Variants in SCRN1 observed in about 807,000 individuals in gnomAD.
SCRN1 encodes the protein secernin 1.
In SCRN1, 19 loss-of-function variants were observed where a neutral mutation model predicts 43.3. The observed-to-expected ratio is 0.44, with a 90% CI of 0.31 to 0.64. The LOEUF (loss-of-function observed/expected upper bound fraction) is 0.64. Among genes scored for constraint, SCRN1 ranks in the 30% least tolerant of loss-of-function variants. The pLI is 0.09. For synonymous variants in SCRN1, 183 were observed against 188.9 expected (o/e 0.97, Z 0.26); for missense variants, 447 against 524.1 (o/e 0.85, Z 1.44).
chr7:29,943,830 G>C, intron 4 of SCRN1, 147 bp downstream of exon 4: 1 of 717,956 alleles, frequency 1.4e-6, no homozygotes, highest in Non-Finnish European at 2.4e-6. Flanking sequence ...TCCCAGAAAT[G>C]AGAGGCATGC....
At chr7:29,969,923 C>A in intron 1 of SCRN1, 1 of 455,968 alleles carries the variant, frequency 2.2e-6, no homozygotes. Flanking sequence ...CCATTTGCTT[C>A]TCCATTATCT....
intron 1 of SCRN1, among the ~76,000 whole-genome samples, chr7:29,988,383 T>G (rs1213908339): frequency 6.6e-6 from 1 of 152,136 alleles, no homozygotes; most frequent in Non-Finnish European, 1.5e-5. Flanking sequence ...ATTACAGCTC[T>G]CCAAACTTCC....
Position 29,989,682 on chromosome 7 carries a change from T to C in SCRN1, c.-42A>G. ...CCGGGCTCCGCTCTCCGCTCTGCGG[T>C]GCTGAGGCTGCGGCCGCCGAGGGTG... On this transcript the variant is annotated 5_prime_UTR_variant, in exon 1 of 8. Transcript: ENST00000242059. The C allele has an allele frequency of 4.1e-6, 4 of 985,690 alleles. No homozygotes were observed. Among genetic ancestry groups the C allele is most frequent in the Non-Finnish European group, 4.8e-6 (4 of 830,172 alleles). The allele number at this position is 985,690 out of a possible 1,614,324, so 61.1% of individuals were successfully genotyped here. A position where few individuals can be genotyped will look rare whatever the true frequency, so the allele number is the denominator to read the frequency against.
intron 1 of SCRN1, among the ~76,000 whole-genome samples, chr7:29,978,557 C>T (rs1023430914): frequency 1.3e-5 from 2 of 152,200 alleles, no homozygotes; most frequent in African/African-American, 4.8e-5. Context: ...ACACCAGGCC[C>T]TAGTAGCCAT....
At chr7:29,972,663 G>A (rs772576334) in intron 1 of SCRN1, among the ~76,000 whole-genome samples, 1 of 152,180 alleles carries the variant, frequency 6.6e-6, no homozygotes, top group African/African-American at 2.4e-5. Context: ...ATCAGACCTA[G>A]GAGCAAACTA....
Position 29,926,625 on chromosome 7 carries a change from A to G in SCRN1, c.913T>C (p.Phe305Leu). 6.2e-7 allele frequency: 1 copy of G among 1,613,808 alleles called. No homozygotes were observed. Among genetic ancestry groups the G allele is most frequent in the Non-Finnish European group, 8.5e-7 (1 of 1,179,816 alleles). Residue 305 changes from phenylalanine (F) to leucine (L), a missense_variant, in exon 7 of 8, where the codon TTC becomes CTC. By Grantham distance (22) the Phe-to-Leu change is conservative. Coordinates refer to ENST00000242059, the MANE Select transcript of SCRN1 (RefSeq NM_014766.5). ...TGTPDPSRSI[F>L]KPFIFVDDVK... ...TCATCAACAAAGATGAAAGGCTTGA[A>G]TATGGACCTGGAGAGGAAGGAGAGG...
At chr7:29,977,951 TTTGTCAAAGCC>T (rs1484192249) in intron 1 of SCRN1, among the ~76,000 whole-genome samples, 2 of 152,246 alleles carry the variant, frequency 1.3e-5, no homozygotes, top group Non-Finnish European at 2.9e-5. Context: ...AAGCGGTCCC[TTTGTCAAAGCC>T]TATCTGTTCA....
At chr7:29,957,298 C>G (rs952590084) in intron 2 of SCRN1, among the ~76,000 whole-genome samples, 2 of 152,206 alleles carry the variant, frequency 1.3e-5, no homozygotes, top group African/African-American at 4.8e-5. Context: ...GGCAAAGGCG[C>G]GCACACAAAT....
In SCRN1 at chr7:29,920,278, T is replaced by C. The variant is rs1033252004; in HGVS notation, c.*3679A>G. On this transcript the variant is annotated 3_prime_UTR_variant, in exon 8 of 8. Coordinates refer to ENST00000242059, the MANE Select transcript of SCRN1 (RefSeq NM_014766.5). ...GAATGATTTTCTTTTTTTTTTATTA[T>C]TATTCCCTGCCAATAGCATTTTCCA... 3 of 152,428 alleles carry C rather than the reference T, an allele frequency of 2.0e-5. No homozygotes were observed. The highest frequency in any genetic ancestry group is 7.2e-5 in the African/African-American group (3 of 41,428). 9.4% of individuals were successfully genotyped at this position (152,428 alleles called of 1,614,324 possible). A position where few individuals can be genotyped will look rare whatever the true frequency, so the allele number is the denominator to read the frequency against.
chr7:29,970,064 C>T (rs1562820216), intron 1 of SCRN1: 1 of 332,400 alleles, frequency 3.0e-6, no homozygotes, highest in Non-Finnish European at 6.1e-6. Context: ...ACAATAACTT[C>T]CGGAGGGGTT....
chr7:29,932,555 G>A (rs966076684), intron 6 of SCRN1, among the ~76,000 whole-genome samples: 1 of 149,012 alleles, frequency 6.7e-6, no homozygotes, highest in Non-Finnish European at 1.5e-5. Flanking sequence ...AGGAGGCTGA[G>A]GAAGGAGAAT....
At chr7:29,971,555 C>A (rs1788665045) in intron 1 of SCRN1, among the ~76,000 whole-genome samples, 1 of 151,584 alleles carries the variant, frequency 6.6e-6, no homozygotes, top group Non-Finnish European at 1.5e-5. Flanking sequence ...ATCATTTGAG[C>A]CCGGAGAGGC....
chr7:29,921,314 C>T lies in SCRN1; in HGVS notation c.*2643G>A, dbSNP rs139487275. On this transcript the variant is annotated 3_prime_UTR_variant, in exon 8 of 8. Coordinates refer to ENST00000242059, the MANE Select transcript of SCRN1 (RefSeq NM_014766.5). Reference sequence around the variant, plus strand: ...CTATACTGCCTTCAGAAAAGCAATCCCTGGTCCACAAATTATTCATGTAAC... The same window carrying T: ...CTATACTGCCTTCAGAAAAGCAATCTCTGGTCCACAAATTATTCATGTAAC... The T allele has an allele frequency of 1.4e-4, 21 of 152,532 alleles. No individual in the cohort carries two copies. The highest frequency in any genetic ancestry group is 4.8e-4 in the African/African-American group (20 of 41,554). 9.4% of individuals were successfully genotyped at this position (152,532 alleles called of 1,614,324 possible).
In SCRN1 at chr7:29,955,378, G is replaced by T; in HGVS notation, c.160-18C>A. 1 of 1,610,582 alleles carries T rather than the reference G, an allele frequency of 6.2e-7. No homozygotes were observed. The highest frequency in any genetic ancestry group is 8.5e-7 in the Non-Finnish European group (1 of 1,178,184). ...TAAGTGCACTGAAAAACAAACACAG[G>T]AAAGAAAGCGCCATCACCTGTCAGG... is the stretch of plus-strand genomic sequence containing the variant. On this transcript the variant is annotated intron_variant, in intron 2 of 7. Coordinates refer to ENST00000242059, the MANE Select transcript of SCRN1 (RefSeq NM_014766.5).
chr7:29,935,034 A>G (rs1787280057), intron 6 of SCRN1, among the ~76,000 whole-genome samples: 1 of 152,170 alleles, frequency 6.6e-6, no homozygotes, highest in African/African-American at 2.4e-5. Flanking sequence ...CCCAGTGCTC[A>G]AGAGCTCCTT....
chr7:29,980,089 T>A lies in SCRN1; in HGVS notation c.-2+9553A>T, dbSNP rs116796479. 2.6e-3 allele frequency among the ~76,000 whole-genome samples: 393 copies of A among 152,304 alleles called. 2 individuals carry two copies. Among genetic ancestry groups the A allele is most frequent in the African/African-American group, 8.4e-3 (348 of 41,570 alleles). ...TCCTCTACTTACTAAGCTCCTTATC[T>A]GTAAAATGGGGCCATGTCAACCATG... is the stretch of plus-strand genomic sequence containing the variant. On this transcript the variant is annotated intron_variant, in intron 1 of 7. Coordinates refer to ENST00000242059, the MANE Select transcript of SCRN1 (RefSeq NM_014766.5).
intron 1 of SCRN1, among the ~76,000 whole-genome samples, chr7:29,976,231 A>G (rs1788833885): frequency 6.6e-6 from 1 of 152,246 alleles, no homozygotes; most frequent in Non-Finnish European, 1.5e-5. Flanking sequence ...TACAGTAGCC[A>G]CCAGCCGGAT....
intron 1 of SCRN1, chr7:29,969,969 A>T: frequency 2.3e-6 from 1 of 429,780 alleles, no homozygotes; most frequent in South Asian, 1.7e-5. Flanking sequence ...CCATCTCCTA[A>T]ATCTCTATGG....
rs1260027467 is a variant in SCRN1 at position 29,969,034 on chromosome 7, C to A, written c.34G>T (p.Ala12Ser). 2 of 1,613,840 alleles carry A rather than the reference C, an allele frequency of 1.2e-6. No homozygotes were observed. Among genetic ancestry groups the A allele is most frequent in the South Asian group, 2.2e-5 (2 of 91,038 alleles). ...CCATCCTTAGCACGTGGAGGGAAGG[C>A]AACAAAACAGTAACTTGGAGGAGCT... ...AAAPPSYCFVAFPPRAKDGLV... is the reference protein window; with the variant it reads ...AAAPPSYCFVSFPPRAKDGLV... The change falls in exon 2 of 8, where the codon GCC becomes TCC. Residue 12 changes from alanine (A) to serine (S), a missense_variant. Transcript: ENST00000242059.
Sources: allele counts gnomAD v4.1 joint callset (sites outside exome capture counted in the v4.1 genomes callset), GRCh38; gene constraint gnomAD v4.1.1; transcripts MANE v1.5; gene names NCBI Gene and HGNC (gene_info 2026-07-23, HGNC 2026-07-21).